RGS7BP: variants seen among roughly 807,000 people sequenced by gnomAD.
The protein encoded by RGS7BP is regulator of G protein signaling 7 binding protein.
Under a neutral mutation model 31.3 loss-of-function variants are expected in RGS7BP, and 9 were observed. The ratio of observed to expected loss-of-function variants is 0.29; its 90% CI spans 0.17 to 0.50. The LOEUF is 0.50. Ranked by LOEUF, RGS7BP falls within the 20% of genes least tolerant of loss-of-function variation. RGS7BP has a pLI of 0.98. For synonymous variants in RGS7BP, 115 were observed against 120.1 expected, an observed-to-expected ratio of 0.96 and a Z score of 0.28; for missense variants, 274 against 322.0, an observed-to-expected ratio of 0.85 and a Z score of 1.14.
chr5:64,575,716 T>C (rs914731170), intron 2 of RGS7BP, 58 bp from the exon 3 acceptor site: 3 of 1,552,220 alleles, frequency 1.9e-6, no homozygotes, highest in Middle Eastern at 1.7e-4. Context: ...CTGAGACAAA[T>C]GGCTGATGAG....
intron 2 of RGS7BP, among the ~76,000 whole-genome samples, chr5:64,562,023 G>C (rs1742067908): frequency 2.6e-5 from 4 of 152,072 alleles, no homozygotes; most frequent in African/African-American, 9.7e-5. Flanking sequence ...GCAATAAAAT[G>C]ATACTACATC....
intron 2 of RGS7BP, among the ~76,000 whole-genome samples, chr5:64,538,614 T>A (rs1434756297): frequency 2.3e-5 from 3 of 129,612 alleles, no homozygotes; most frequent in African/African-American, 5.7e-5. Flanking sequence ...TGGAGTGCAG[T>A]GGCACGATCT....
intron 2 of RGS7BP, among the ~76,000 whole-genome samples, chr5:64,516,100 G>A (rs998893808): frequency 2.6e-5 from 4 of 151,994 alleles, no homozygotes; most frequent in Non-Finnish European, 5.9e-5. Context: ...CACCGCTCTC[G>A]ACCGAAATAA....
chr5:64,550,344 A>T (rs1309467436), intron 2 of RGS7BP, among the ~76,000 whole-genome samples: 1 of 152,146 alleles, frequency 6.6e-6, no homozygotes, highest in African/African-American at 2.4e-5. Flanking sequence ...ATCTCACTGT[A>T]TTCTCACTTG....
intron 2 of RGS7BP, among the ~76,000 whole-genome samples, chr5:64,522,061 G>A (rs1013818983): frequency 2.0e-5 from 3 of 152,202 alleles, no homozygotes; most frequent in Non-Finnish European, 4.4e-5. Flanking sequence ...ATAGTGGCCA[G>A]TGTAGAAAGA....
chr5:64,530,966 G>A (rs1749356533), intron 2 of RGS7BP, among the ~76,000 whole-genome samples: 1 of 152,166 alleles, frequency 6.6e-6, no homozygotes, highest in Non-Finnish European at 1.5e-5. Flanking sequence ...TGTTGCCCTA[G>A]CCAACACCAC....
Position 64,507,861 on chromosome 5 carries a change from T to C in RGS7BP, c.316T>C (p.Leu106=), listed in dbSNP as rs540765536. Reference sequence around the variant, plus strand: ...AATGGCCCGTCAGGCACACCAAAAATTGGCTGCCATCTCAGGGTAGGAGAC... The same window carrying C: ...AATGGCCCGTCAGGCACACCAAAAACTGGCTGCCATCTCAGGGTAGGAGAC... ...CEMARQAHQK[L]AAISGPEDGE... is the part of the protein sequence containing the mutation. The change falls in exon 2 of 6, where the codon TTG becomes CTG. Residue 106 remains leucine (L), a synonymous_variant. Transcript: ENST00000334025. The C allele has an allele frequency of 3.1e-6, 5 of 1,613,104 alleles. No individual in the cohort carries two copies. Among genetic ancestry groups the C allele is most frequent in the East Asian group, 2.2e-5 (1 of 44,854 alleles).
intron 4 of RGS7BP, among the ~76,000 whole-genome samples, chr5:64,596,311 C>T (rs970222345): frequency 6.6e-6 from 1 of 152,188 alleles, no homozygotes; most frequent in African/African-American, 2.4e-5. Flanking sequence ...TTCTCCCTGG[C>T]TGTCTGCCTT....
intron 2 of RGS7BP, among the ~76,000 whole-genome samples, chr5:64,518,465 G>T (rs771021643): frequency 6.6e-6 from 1 of 152,098 alleles, no homozygotes; most frequent in African/African-American, 2.4e-5. Context: ...ATATTATTAA[G>T]GAATGACATA....
intron 4 of RGS7BP, 143 bp downstream of exon 4, chr5:64,595,000 A>AC: frequency 1.2e-6 from 1 of 826,862 alleles, no homozygotes; most frequent in Non-Finnish European, 1.9e-6. Context: ...GCTGTCAGGG[A>AC]CCCTGGAGAC....
At position 64,535,570 on chromosome 5, in the gene RGS7BP, A is replaced by C. The variant is rs149321853; in HGVS notation, c.332+27693A>C. Among the ~76,000 whole-genome samples, 143 of 152,354 alleles carry C rather than the reference A, an allele frequency of 9.4e-4. 1 individual carries two copies. Among genetic ancestry groups the C allele is most frequent in the African/African-American group, 3.3e-3 (136 of 41,592 alleles). Reference sequence around the variant, plus strand: ...AAAATGCCTATAAAGAAAGAAAGAAAGGTTGATTATTAAATGACAGGAAAG... The same window carrying C: ...AAAATGCCTATAAAGAAAGAAAGAACGGTTGATTATTAAATGACAGGAAAG... On this transcript the variant is annotated intron_variant, in intron 2 of 5. Coordinates refer to ENST00000334025, the MANE Select transcript of RGS7BP (RefSeq NM_001029875.3).
chr5:64,543,200 T>TATAG (rs1561328816), intron 2 of RGS7BP, among the ~76,000 whole-genome samples: 1 of 152,248 alleles, frequency 6.6e-6, no homozygotes, highest in East Asian at 1.9e-4. Context: ...ATGTTATCTA[T>TATAG]ATTTTGTGTA....
At chr5:64,507,964 A>T (rs1748740539) in intron 2 of RGS7BP, 87 bp downstream of exon 2, 1 of 1,105,316 alleles carries the variant, frequency 9.0e-7, no homozygotes. Flanking sequence ...CTCAGACATG[A>T]TCTCCACATA....
intron 3 of RGS7BP, among the ~76,000 whole-genome samples, chr5:64,582,390 G>A (rs373328278): frequency 1.3e-5 from 2 of 152,202 alleles, no homozygotes; most frequent in Admixed American, 1.3e-4. Context: ...GAGCAGAGAT[G>A]ACAGAACACT....
intron 2 of RGS7BP, among the ~76,000 whole-genome samples, chr5:64,517,419 A>G (rs912826704): frequency 6.6e-6 from 1 of 152,202 alleles, no homozygotes; most frequent in Non-Finnish European, 1.5e-5. Context: ...CTGTCACAGT[A>G]CCCAACCTAT....
rs184291409 is a variant in RGS7BP, at chr5:64,564,609, C to T, written c.333-11165C>T. On this transcript the variant is annotated intron_variant, in intron 2 of 5. Coordinates refer to ENST00000334025, the MANE Select transcript of RGS7BP (RefSeq NM_001029875.3). ...ATTTTATGTTTCATATCAAAGAAAGCGTTTTTATTGAGGAAATTCTACTCC... is the reference window on the plus strand; with the variant it reads ...ATTTTATGTTTCATATCAAAGAAAGTGTTTTTATTGAGGAAATTCTACTCC... Among the ~76,000 whole-genome samples, 20 of 152,164 alleles carry T rather than the reference C, an allele frequency of 1.3e-4. No individual in the cohort carries two copies. The East Asian group carries it at 2.9e-3, about 22-fold the overall frequency.
chr5:64,544,703 A>G (rs913762735), intron 2 of RGS7BP, among the ~76,000 whole-genome samples: 1 of 151,942 alleles, frequency 6.6e-6, no homozygotes, highest in Non-Finnish European at 1.5e-5. Flanking sequence ...AAGACCATAT[A>G]CTAGTTGGTA....
chr5:64,522,723 A>G (rs1458026939), intron 2 of RGS7BP, among the ~76,000 whole-genome samples: 1 of 152,244 alleles, frequency 6.6e-6, no homozygotes, highest in Non-Finnish European at 1.5e-5. Flanking sequence ...GTTTTAAGCT[A>G]CCAAATCTGT....
chr5:64,546,051 G>A (rs1741651194), intron 2 of RGS7BP, among the ~76,000 whole-genome samples: 1 of 152,194 alleles, frequency 6.6e-6, no homozygotes, highest in African/African-American at 2.4e-5. Context: ...CTACTCAGGA[G>A]GCTGAGACAG....
Sources: gnomAD v4.1 joint callset for allele counts (sites outside exome capture counted in the v4.1 genomes callset) on GRCh38, gnomAD v4.1.1 for gene constraint, MANE v1.5 for transcripts, NCBI Gene and HGNC (gene_info 2026-07-23, HGNC 2026-07-21) for gene names.